MITF: variants seen among roughly 807,000 people sequenced by gnomAD.
MITF encodes the protein microphthalmia-associated transcription factor.
In MITF, 17 loss-of-function variants were observed where a neutral mutation model predicts 60.5. The observed-to-expected ratio is 0.28, with a 90% CI of 0.19 to 0.42. The LOEUF is 0.42. MITF is among the 10% of genes least tolerant of loss of function. MITF has a pLI of 1.00. For synonymous variants in MITF, 260 were observed against 248.5 expected (o/e 1.05, Z -0.43); for missense variants, 622 against 683.5 (o/e 0.91, Z 1.00).
intron 9 of MITF, among the ~76,000 whole-genome samples, chr3:69,961,339 G>A (rs182538161): frequency 2.0e-5 from 3 of 150,648 alleles, no homozygotes; most frequent in East Asian, 2.0e-4. Flanking sequence ...CCAAGATCGC[G>A]CCACTGCATT....
At chr3:69,866,209 C>A in intron 1 of MITF, 2 of 1,598,506 alleles carry the variant, frequency 1.3e-6, no homozygotes, top group South Asian at 2.3e-5. Context: ...AGGAGCCACC[C>A]CTAGTGACAC....
rs975974604 is a variant in MITF, at chr3:69,967,534, A to G, written c.*2286A>G. Reference sequence around the variant, plus strand: ...CGGCCACGGGAACAGGACCATGGTTAAGCAACCATATAGAAAGCTTTGTTG... The same window carrying G: ...CGGCCACGGGAACAGGACCATGGTTGAGCAACCATATAGAAAGCTTTGTTG... On this transcript the variant is annotated 3_prime_UTR_variant, in exon 10 of 10. Coordinates refer to ENST00000352241, the MANE Select transcript of MITF (RefSeq NM_001354604.2). 2 of 233,464 alleles carry G rather than the reference A, an allele frequency of 8.6e-6. No individual in the cohort carries two copies. Among genetic ancestry groups the G allele is most frequent in the Non-Finnish European group, 8.5e-6 (1 of 117,926 alleles). The allele number at this position is 233,464 out of a possible 1,614,324, so 14.5% of individuals were successfully genotyped here. A position where few individuals can be genotyped will look rare whatever the true frequency, so the allele number is the denominator to read the frequency against.
chr3:69,852,288 A>G (rs1250601196), intron 1 of MITF, among the ~76,000 whole-genome samples: 1 of 152,184 alleles, frequency 6.6e-6, no homozygotes, highest in Non-Finnish European at 1.5e-5. Flanking sequence ...CCCAATCTCT[A>G]AGATAGAGCA....
At chr3:69,777,041 TA>T (rs1225309252) in intron 1 of MITF, among the ~76,000 whole-genome samples, 1 of 152,160 alleles carries the variant, frequency 6.6e-6, no homozygotes, top group African/African-American at 2.4e-5. Context: ...AAATATCCAG[TA>T]AAAGTCTTAT....
At chr3:69,765,368 G>T (rs966205241) in intron 1 of MITF, among the ~76,000 whole-genome samples, 1 of 152,096 alleles carries the variant, frequency 6.6e-6, no homozygotes, top group Admixed American at 6.5e-5. Context: ...TTGGAATTTT[G>T]CAAACCAACA....
chr3:69,846,357 C>G (rs2063733628), intron 1 of MITF, among the ~76,000 whole-genome samples: 2 of 152,022 alleles, frequency 1.3e-5, no homozygotes, highest in African/African-American at 4.8e-5. Context: ...ACCTTCTGGA[C>G]CATGTCTGGG....
chr3:69,942,597 T>A (rs1205180237), intron 5 of MITF, among the ~76,000 whole-genome samples: 3 of 152,110 alleles, frequency 2.0e-5, no homozygotes, highest in Admixed American at 6.6e-5. Context: ...TCTACCCATT[T>A]AAACCCACCC....
intron 1 of MITF, among the ~76,000 whole-genome samples, chr3:69,758,117 GCACACACA>G (rs111261020): frequency 5.0e-5 from 6 of 120,144 alleles, no homozygotes; most frequent in African/African-American, 1.2e-4. Flanking sequence ...TATATCATAT[GCACACACA>G]CACACACACA....
chr3:69,790,540 C>T (rs2062723482), intron 1 of MITF, among the ~76,000 whole-genome samples: 1 of 152,172 alleles, frequency 6.6e-6, no homozygotes, highest in Non-Finnish European at 1.5e-5. Context: ...TATCACCTGG[C>T]ACTAATTTTA....
intron 2 of MITF, among the ~76,000 whole-genome samples, chr3:69,925,875 TTC>T (rs2107445038): frequency 6.6e-6 from 1 of 152,350 alleles, no homozygotes; most frequent in Admixed American, 6.5e-5. Context: ...TGGCCTTTTT[TTC>T]TCTTTTACTG....
chr3:69,840,480 T>C (rs2107137374), intron 1 of MITF, among the ~76,000 whole-genome samples: 1 of 151,854 alleles, frequency 6.6e-6, no homozygotes, highest in Middle Eastern at 3.4e-3. Context: ...GAATAAAATG[T>C]GATGGAGATT....
At chr3:69,908,398 G>A (rs2065147882) in intron 2 of MITF, among the ~76,000 whole-genome samples, 2 of 151,866 alleles carry the variant, frequency 1.3e-5, no homozygotes, top group South Asian at 2.1e-4. Context: ...CCTTTATTTG[G>A]CAGGAGTTTT....
chr3:69,898,029 C>T (rs1347938440), intron 2 of MITF, among the ~76,000 whole-genome samples: 4 of 152,124 alleles, frequency 2.6e-5, no homozygotes, highest in African/African-American at 9.7e-5. Flanking sequence ...TTTTCATGTG[C>T]CCTTGTGGAA....
intron 1 of MITF, among the ~76,000 whole-genome samples, chr3:69,782,818 T>C (rs964157407): frequency 6.6e-6 from 1 of 152,252 alleles, no homozygotes; most frequent in Admixed American, 6.5e-5. Context: ...AATCTAGGAA[T>C]ATTTAATCTC....
intron 1 of MITF, among the ~76,000 whole-genome samples, chr3:69,766,562 C>A (rs1025028115): frequency 6.6e-6 from 1 of 151,832 alleles, no homozygotes; most frequent in Non-Finnish European, 1.5e-5. Context: ...TAAATACCAT[C>A]ATGCTGGACC....
intron 1 of MITF, among the ~76,000 whole-genome samples, chr3:69,754,205 TTA>T (rs1168572330): frequency 2.0e-5 from 3 of 152,046 alleles, no homozygotes; most frequent in African/African-American, 7.2e-5. Flanking sequence ...ACCACCCCTG[TTA>T]GTCTCTCTCT....
chr3:69,870,348 ATATG>A (rs564018676), intron 1 of MITF, among the ~76,000 whole-genome samples: 9 of 149,324 alleles, frequency 6.0e-5, no homozygotes, highest in Non-Finnish European at 1.0e-4. Context: ...ATGTGTGTAT[ATATG>A]TATGTGTGTG....
intron 1 of MITF, among the ~76,000 whole-genome samples, chr3:69,818,127 C>T (rs1384525382): frequency 1.3e-5 from 2 of 152,196 alleles, no homozygotes; most frequent in South Asian, 4.1e-4. Context: ...AGTCTATACT[C>T]TTAAGTCTAA....
At chr3:69,778,486 C>T (rs947426093) in intron 1 of MITF, among the ~76,000 whole-genome samples, 3 of 152,082 alleles carry the variant, frequency 2.0e-5, no homozygotes, top group Admixed American at 6.6e-5. Flanking sequence ...TAATCACTGC[C>T]GTTGTTTAGT....
Sources: allele counts gnomAD v4.1 joint callset (sites outside exome capture counted in the v4.1 genomes callset), GRCh38; gene constraint gnomAD v4.1.1; transcripts MANE v1.5; gene names NCBI Gene and HGNC (gene_info 2026-07-23, HGNC 2026-07-21).